MEGF11: variants seen among roughly 807,000 people sequenced by gnomAD.
MEGF11 encodes multiple epidermal growth factor-like domains protein 11.
Under a neutral mutation model 146.6 loss-of-function variants are expected in MEGF11, and 126 were observed. That is an observed-to-expected ratio of 0.86 (90% CI 0.74 to 1.00). The LOEUF is 1.00. Among genes scored for constraint, MEGF11 ranks in the 50% least tolerant of loss-of-function variants. MEGF11 has a pLI of 0.00. For synonymous variants in MEGF11, 532 were observed against 583.4 expected, an observed-to-expected ratio of 0.91 and a Z score of 1.27; for missense variants, 1,509 against 1,521.2, an observed-to-expected ratio of 0.99 and a Z score of 0.13.
Position 65,909,092 on chromosome 15 carries a change from G to C in MEGF11, c.2940C>G (p.Pro980=). 2 of 1,535,910 alleles carry C rather than the reference G, an allele frequency of 1.3e-6. No homozygotes were observed. Among genetic ancestry groups the C allele is most frequent in the South Asian group, 1.2e-5 (1 of 84,054 alleles). The part of the protein sequence containing the change: ...QISALEARYP[P]EDFYIELRHL... ...GTCTAAGTTCAATGTAGAAGTCCTC[G>C]GGCGGGTACCTGGCCTCCAGGGCAC... The change falls in exon 23 of 26, where the codon CCC becomes CCG. Residue 980 remains proline, a synonymous_variant. Coordinates refer to ENST00000395614, the MANE Select transcript of MEGF11 (RefSeq NM_001385028.1).
chr15:66,046,555 C>T (rs1414404664), intron 5 of MEGF11, among the ~76,000 whole-genome samples: 1 of 152,228 alleles, frequency 6.6e-6, no homozygotes, highest in Non-Finnish European at 1.5e-5. Context: ...GCAGCTGCTG[C>T]AGGCTGAGGG....
chr15:66,085,089 C>CA (rs2086050008), intron 5 of MEGF11, among the ~76,000 whole-genome samples: 1 of 152,096 alleles, frequency 6.6e-6, no homozygotes, highest in South Asian at 2.1e-4. Context: ...CACGACTCAG[C>CA]AGAGGCAGCC....
chr15:66,188,458 T>C (rs2090772963), intron 1 of MEGF11, among the ~76,000 whole-genome samples: 1 of 151,684 alleles, frequency 6.6e-6, no homozygotes, highest in Admixed American at 6.6e-5. Flanking sequence ...CTGACTCCCT[T>C]TGCTCACAGA....
intron 8 of MEGF11, among the ~76,000 whole-genome samples, chr15:65,967,583 C>T (rs1349987403): frequency 6.6e-6 from 1 of 151,978 alleles, no homozygotes; most frequent in African/African-American, 2.4e-5. Context: ...GTCAGACCCT[C>T]GTGGATGTGG....
At chr15:66,113,852 G>A (rs1160982070) in intron 4 of MEGF11, among the ~76,000 whole-genome samples, 2 of 151,790 alleles carry the variant, frequency 1.3e-5, no homozygotes, top group Non-Finnish European at 2.9e-5. Flanking sequence ...CTGCACTCCA[G>A]CCTGGGCGAC....
intron 5 of MEGF11, among the ~76,000 whole-genome samples, chr15:66,052,218 C>T (rs1210506926): frequency 6.6e-6 from 1 of 152,176 alleles, no homozygotes; most frequent in Non-Finnish European, 1.5e-5. Context: ...CATCACTCCT[C>T]ATTGCTCTCC....
chr15:66,012,124 A>G (rs1318868777), intron 5 of MEGF11, among the ~76,000 whole-genome samples: 1 of 152,090 alleles, frequency 6.6e-6, no homozygotes, highest in East Asian at 1.9e-4. Flanking sequence ...GCTACTTGGG[A>G]GGCTAAGGAG....
At chr15:66,173,206 A>T (rs1222034207) in intron 1 of MEGF11, among the ~76,000 whole-genome samples, 1 of 152,286 alleles carries the variant, frequency 6.6e-6, no homozygotes, top group East Asian at 1.9e-4. Flanking sequence ...ACCCTAGACC[A>T]TCTCTACCAC....
chr15:66,104,884 GCCT>G (rs1019554471), intron 4 of MEGF11, among the ~76,000 whole-genome samples: 4 of 152,036 alleles, frequency 2.6e-5, no homozygotes, highest in Admixed American at 6.6e-5. Context: ...GGGTTCAGTG[GCCT>G]CCTCCTCCTC....
At chr15:65,924,918 T>C (rs1281902192) in intron 13 of MEGF11, among the ~76,000 whole-genome samples, 6 of 152,150 alleles carry the variant, frequency 3.9e-5, no homozygotes, top group African/African-American at 1.4e-4. Context: ...CGTGAGCCAC[T>C]GTGCTGGCCT....
intron 10 of MEGF11, among the ~76,000 whole-genome samples, chr15:65,937,684 G>T (rs2141352152): frequency 6.6e-6 from 1 of 152,330 alleles, no homozygotes; most frequent in South Asian, 2.1e-4. Flanking sequence ...GACTCTAGTG[G>T]CAGCCTCTTG....
intron 4 of MEGF11, among the ~76,000 whole-genome samples, chr15:66,102,298 A>G (rs56346141): frequency 0.8 from 48,067 of 60,044 alleles, 19,134 homozygotes; most frequent in East Asian, 0.9. Flanking sequence ...CGATCTGTGC[A>G]TGTCCTAGAG....
At position 65,913,953 on chromosome 15, in the gene MEGF11, GCTC is replaced by G. The variant is rs748874468; in HGVS notation, c.2491_2493del (p.Glu831del). ...GGGCTGATCTTGGTGTAGGGATTCA[GCTC>G]CTCCATCATGAGGGCAGCTGCGGGC... is the stretch of plus-strand genomic sequence containing the variant. On this transcript the variant is annotated inframe_deletion, in exon 20 of 26. Transcript: ENST00000395614. 3 of 1,613,858 alleles carry G rather than the reference GCTC, an allele frequency of 1.9e-6. No individual in the cohort carries two copies. Among genetic ancestry groups the G allele is most frequent in the Non-Finnish European group, 2.5e-6 (3 of 1,179,846 alleles).
intron 10 of MEGF11, among the ~76,000 whole-genome samples, chr15:65,955,794 A>ATATATATATATATG (rs1567175147): frequency 1.9e-4 from 5 of 25,762 alleles, no homozygotes; most frequent in South Asian, 4.6e-3. Flanking sequence ...ATATATATAT[A>ATATATATATATATG]CACACACACA....
At chr15:66,226,114 C>T (rs766958313) in intron 1 of MEGF11, among the ~76,000 whole-genome samples, 4 of 152,222 alleles carry the variant, frequency 2.6e-5, no homozygotes, top group East Asian at 1.9e-4. Flanking sequence ...CCCTCCAGCC[C>T]GGGACATGAA....
At chr15:65,939,109 T>C (rs2079889390) in intron 10 of MEGF11, among the ~76,000 whole-genome samples, 1 of 152,152 alleles carries the variant, frequency 6.6e-6, no homozygotes, top group Non-Finnish European at 1.5e-5. Flanking sequence ...TTAAATATGC[T>C]CTGTGGGTAG....
At position 66,193,772 on chromosome 15, in the gene MEGF11, G is replaced by A. The variant is rs1476996805; in HGVS notation, c.-9+59833C>T. The stretch of plus-strand genomic sequence containing the variant: ...TGTATATTAGTTTGCTCAGGCTGCC[G>A]AGCAAACTAATATACAGCCATATAT... On this transcript the variant is annotated intron_variant, in intron 1 of 25. Coordinates refer to ENST00000395614, the MANE Select transcript of MEGF11 (RefSeq NM_001385028.1). Among the ~76,000 whole-genome samples, 12 of 151,566 alleles carry A rather than the reference G, an allele frequency of 7.9e-5. 1 individual carries two copies. The highest frequency in any genetic ancestry group is 1.2e-4 in the Non-Finnish European group (8 of 67,922).
At chr15:66,063,994 AGTCT>A (rs1254152507) in intron 5 of MEGF11, among the ~76,000 whole-genome samples, 7 of 152,218 alleles carry the variant, frequency 4.6e-5, no homozygotes, top group African/African-American at 1.7e-4. Context: ...ATGTGAACCC[AGTCT>A]GTCTAACTCC....
At chr15:65,939,818 C>T (rs2141365404) in intron 10 of MEGF11, among the ~76,000 whole-genome samples, 1 of 152,284 alleles carries the variant, frequency 6.6e-6, no homozygotes, top group African/African-American at 2.4e-5. Context: ...CCAGCCCTCC[C>T]ACTTCCAGGG....
Sources: gnomAD v4.1 joint callset for allele counts (sites outside exome capture counted in the v4.1 genomes callset) on GRCh38, gnomAD v4.1.1 for gene constraint, MANE v1.5 for transcripts, NCBI Gene and HGNC (gene_info 2026-07-23, HGNC 2026-07-21) for gene names.